The following EXOC5 variants were observed in gnomAD, a reference collection of about 807,000 sequenced individuals.
The protein encoded by EXOC5 is exocyst complex component 5, also known as SEC10-like 1.
A neutral mutation model predicts 90.8 loss-of-function variants in EXOC5; 17 were observed. The ratio of observed to expected loss-of-function variants is 0.19; its 90% CI spans 0.13 to 0.28. The LOEUF is 0.28. EXOC5 is among the 10% of genes least tolerant of loss of function. The pLI is 1.00. For missense variants in EXOC5, 569 were observed against 830.6 expected (o/e 0.69, Z 3.87); for synonymous variants, 260 against 270.0 (o/e 0.96, Z 0.36).
Position 57,234,306 on chromosome 14 carries a change from T to C in EXOC5, c.670-274A>G, listed in dbSNP as rs1019595978. On this transcript the variant is annotated intron_variant, in intron 7 of 17. Coordinates refer to ENST00000621441, the MANE Select transcript of EXOC5 (RefSeq NM_006544.4). ...AAGAAAGATGAAGTATGTAACTGAG[T>C]TCTTTAGAGTAATTTTTGTCCTATG... 4.6e-5 allele frequency among the ~76,000 whole-genome samples: 7 copies of C among 151,798 alleles called. 1 individual carries two copies. The highest frequency in any genetic ancestry group is 4.2e-4 in the South Asian group (2 of 4,808).
chr14:57,222,558 T>C, intron 12 of EXOC5, 142 bp from the exon 13 acceptor site: 1 of 501,954 alleles, frequency 2.0e-6, no homozygotes, highest in Non-Finnish European at 3.6e-6. Flanking sequence ...ATACTGCGTG[T>C]GCATGCACAA....
In EXOC5 at chr14:57,224,224, T is replaced by C. The variant is rs375484854; in HGVS notation, c.1297-1808A>G. 3.6e-3 allele frequency among the ~76,000 whole-genome samples: 544 copies of C among 151,134 alleles called. 5 individuals carry two copies. Among genetic ancestry groups the C allele is most frequent in the Middle Eastern group, 0.017 (5 of 294 alleles). ...CAAGTAAGCAGAATAACAGAAGTAA[T>C]AAAGAGTAGAAATTGATGAATACAA... On this transcript the variant is annotated intron_variant, in intron 12 of 17. Transcript: ENST00000621441.
chr14:57,255,134 A>G (rs1044871139), intron 1 of EXOC5, among the ~76,000 whole-genome samples: 3 of 152,140 alleles, frequency 2.0e-5, no homozygotes, highest in Non-Finnish European at 4.4e-5. Flanking sequence ...CAGACACAGT[A>G]CAGACAACAT....
At chr14:57,248,731 T>A (rs1884100284) in intron 1 of EXOC5, among the ~76,000 whole-genome samples, 1 of 152,126 alleles carries the variant, frequency 6.6e-6, no homozygotes, top group Non-Finnish European at 1.5e-5. Flanking sequence ...CAATTTGAAC[T>A]TTTATATCTG....
chr14:57,238,219 TATATAC>T (rs986933287), intron 5 of EXOC5, among the ~76,000 whole-genome samples: 5 of 73,818 alleles, frequency 6.8e-5, no homozygotes, highest in Admixed American at 2.0e-4. Flanking sequence ...ACTCCACATA[TATATAC>T]ACACACACAC....
Position 57,210,067 on chromosome 14 carries a change from G to C in EXOC5, c.1614-6C>G. On this transcript the variant is annotated splice_region_variant and splice_polypyrimidine_tract_variant and intron_variant, in intron 15 of 17. Coordinates refer to ENST00000621441, the MANE Select transcript of EXOC5 (RefSeq NM_006544.4). ...CAATCATACAATTTAATGTCCTAGAGAATTGAGAATACAACATTCTTTAAC... is the reference window on the plus strand; with the variant it reads ...CAATCATACAATTTAATGTCCTAGACAATTGAGAATACAACATTCTTTAAC... The C allele has an allele frequency of 1.5e-6, 2 of 1,370,672 alleles. No individual in the cohort carries two copies. The allele number at this position is 1,370,672 out of a possible 1,614,324, so 84.9% of individuals were successfully genotyped here. A position where few individuals can be genotyped will look rare whatever the true frequency, so the allele number is the denominator to read the frequency against.
At chr14:57,223,723 C>A (rs1344703467) in intron 12 of EXOC5, among the ~76,000 whole-genome samples, 2 of 151,962 alleles carry the variant, frequency 1.3e-5, no homozygotes, top group Non-Finnish European at 1.5e-5. Context: ...CTAAGCCTAA[C>A]TGACATTATA....
At chr14:57,259,408 C>T (rs1412265131) in intron 1 of EXOC5, among the ~76,000 whole-genome samples, 1 of 152,150 alleles carries the variant, frequency 6.6e-6, no homozygotes, top group African/African-American at 2.4e-5. Context: ...CAAGTTCACA[C>T]TCTTATATCT....
At chr14:57,243,851 T>A (rs986847618) in intron 4 of EXOC5, among the ~76,000 whole-genome samples, 33 of 152,110 alleles carry the variant, frequency 2.2e-4, no homozygotes, top group Non-Finnish European at 4.3e-4. Context: ...ATTTAAAAAC[T>A]ATAGAAATTC....
intron 1 of EXOC5, among the ~76,000 whole-genome samples, chr14:57,264,074 C>T (rs1454256109): frequency 2.0e-5 from 3 of 152,202 alleles, no homozygotes; most frequent in Non-Finnish European, 4.4e-5. Flanking sequence ...CAACCAGATG[C>T]TTAACTCAAC....
At chr14:57,257,338 G>T (rs1366887869) in intron 1 of EXOC5, among the ~76,000 whole-genome samples, 1 of 151,840 alleles carries the variant, frequency 6.6e-6, no homozygotes, top group Non-Finnish European at 1.5e-5. Context: ...ATGCCTATTA[G>T]ATATGTAAGA....
intron 12 of EXOC5, among the ~76,000 whole-genome samples, chr14:57,223,880 G>A (rs770585580): frequency 2.0e-5 from 3 of 151,698 alleles, no homozygotes; most frequent in Non-Finnish European, 2.9e-5. Context: ...TGACCACAAC[G>A]GAATCAAATT....
At chr14:57,226,199 C>T (rs1883303345) in intron 12 of EXOC5, among the ~76,000 whole-genome samples, 1 of 152,154 alleles carries the variant, frequency 6.6e-6, no homozygotes, top group African/African-American at 2.4e-5. Flanking sequence ...TTGAGGCCCA[C>T]AAGGAATTCC....
chr14:57,238,365 T>C (rs867417504), intron 5 of EXOC5, among the ~76,000 whole-genome samples: 4,763 of 91,844 alleles, frequency 0.052, 227 homozygotes, highest in African/African-American at 0.14. Context: ...TATATATATA[T>C]ATATATATAT....
chr14:57,252,436 A>G (rs1331004619), intron 1 of EXOC5, among the ~76,000 whole-genome samples: 1 of 152,158 alleles, frequency 6.6e-6, no homozygotes, highest in East Asian at 1.9e-4. Context: ...AACTCAACTC[A>G]ATAGGAAGAA....
chr14:57,249,251 C>T (rs1884115611), intron 1 of EXOC5, among the ~76,000 whole-genome samples: 1 of 152,042 alleles, frequency 6.6e-6, no homozygotes, highest in East Asian at 1.9e-4. Context: ...TCAGCCCTTT[C>T]AAAAATCTAC....
Position 57,244,302 on chromosome 14 carries a change from C to T in EXOC5, c.328G>A (p.Val110Ile), listed in dbSNP as rs1428505592. The change falls in exon 4 of 18, where the codon GTC becomes ATC. Residue 110 changes from valine (V) to isoleucine (I), a missense_variant. Physicochemically the swap from Val to Ile is conservative, Grantham distance 29 (BLOSUM62 3). Transcript: ENST00000621441. ...TCTAACTGGTCTCCAAGGTGACAGA[C>T]TTTAGTTGCTACATAGCTAATGTGC... ...DEHISYVATKVCHLGDQLEGV... is the reference protein window; with the variant it reads ...DEHISYVATKICHLGDQLEGV... The T allele has an allele frequency of 6.2e-7, 1 of 1,613,824 alleles. No individual in the cohort carries two copies. Among genetic ancestry groups the T allele is most frequent in the African/African-American group, 1.3e-5 (1 of 74,932 alleles).
intron 13 of EXOC5, among the ~76,000 whole-genome samples, chr14:57,220,620 T>A (rs879897289): frequency 6.6e-6 from 1 of 151,788 alleles, no homozygotes; most frequent in East Asian, 2.0e-4. Context: ...GGCAACAAAG[T>A]AAGACCCCAA....
At position 57,238,349 on chromosome 14, in the gene EXOC5, CATATATAT is replaced by C. The variant is rs146486005; in HGVS notation, c.531-991_531-984del. Among the ~76,000 whole-genome samples, 670 of 89,210 alleles carry C rather than the reference CATATATAT, an allele frequency of 7.5e-3. 5 individuals are homozygous for C. Among genetic ancestry groups the C allele is most frequent in the South Asian group, 0.027 (45 of 1,646 alleles). 58.5% of individuals were successfully genotyped at this position (89,210 alleles called of 152,430 possible). ...GAGTTGAATATATATCCTAATTAGACATATATATATATATATATATATATATACACACA... is the reference window on the plus strand; with the variant it reads ...GAGTTGAATATATATCCTAATTAGACATATATATATATATATATACACACA... On this transcript the variant is annotated intron_variant, in intron 5 of 17. Coordinates refer to ENST00000621441, the MANE Select transcript of EXOC5 (RefSeq NM_006544.4).
Sources: gnomAD v4.1 joint callset for allele counts (sites outside exome capture counted in the v4.1 genomes callset) on GRCh38, gnomAD v4.1.1 for gene constraint, MANE v1.5 for transcripts, NCBI Gene and HGNC (gene_info 2026-07-23, HGNC 2026-07-21) for gene names.